Variants in KPNA1 observed in about 807,000 individuals in gnomAD.
KPNA1 encodes the protein karyopherin subunit alpha 1.
KPNA1 carries 10 observed loss-of-function variants against 70.5 expected under a neutral mutation model. The observed-to-expected ratio is 0.14, with a 90% confidence interval of 0.09 to 0.24. KPNA1 has a LOEUF of 0.24. Ranked by LOEUF, KPNA1 falls within the 10% of genes least tolerant of loss-of-function variation. The probability of loss-of-function intolerance (pLI) is 1.00; values close to 1 mark genes in which losing one functional copy is unlikely to be tolerated. For missense variants in KPNA1, 397 were observed against 637.9 expected (o/e 0.62, Z 4.07); for synonymous variants, 192 against 221.9 (o/e 0.87, Z 1.20).
intron 6 of KPNA1, among the ~76,000 whole-genome samples, chr3:122,452,683 G>A (rs1245364266): frequency 1.5e-5 from 2 of 137,486 alleles, no homozygotes; most frequent in Non-Finnish European, 3.2e-5. Context: ...AGGAGGGAAG[G>A]AGGGAGGGAG....
intron 9 of KPNA1, among the ~76,000 whole-genome samples, chr3:122,444,139 T>C (rs760043092): frequency 1.3e-4 from 19 of 151,514 alleles, no homozygotes; most frequent in Non-Finnish European, 2.5e-4. Context: ...CTGAGCGCTA[T>C]TTCTCCTATT....
chr3:122,499,315 G>A (rs78784522), intron 1 of KPNA1, among the ~76,000 whole-genome samples: 1,635 of 152,264 alleles, frequency 0.011, 25 homozygotes, highest in African/African-American at 0.038. Flanking sequence ...GTTACCTTTG[G>A]ATTTTCTGTA....
intron 2 of KPNA1, among the ~76,000 whole-genome samples, chr3:122,492,009 G>A (rs1046515594): frequency 1.4e-4 from 21 of 150,842 alleles, no homozygotes; most frequent in African/African-American, 4.6e-4. Context: ...CTACAGGCGC[G>A]CGCCACCATG....
chr3:122,483,983 G>A (rs541297142), intron 2 of KPNA1, among the ~76,000 whole-genome samples: 1 of 152,242 alleles, frequency 6.6e-6, no homozygotes, highest in African/African-American at 2.4e-5. Context: ...TAGCAGAATT[G>A]TTTCCTAAAG....
chr3:122,450,594 A>G (rs961468078), intron 8 of KPNA1, among the ~76,000 whole-genome samples: 1 of 152,184 alleles, frequency 6.6e-6, no homozygotes, highest in Non-Finnish European at 1.5e-5. Flanking sequence ...AAAAACCAAA[A>G]AACAAAAAAT....
intron 6 of KPNA1, among the ~76,000 whole-genome samples, chr3:122,452,555 AGGGAGGGAG>A: frequency 2.1e-5 from 1 of 47,482 alleles, no homozygotes; most frequent in South Asian, 1.2e-3. Context: ...GGAGGGAGGG[AGGGAGGGAG>A]GGAAGGAGGG....
At chr3:122,440,039 G>T (rs1248080088) in intron 10 of KPNA1, among the ~76,000 whole-genome samples, 2 of 152,156 alleles carry the variant, frequency 1.3e-5, no homozygotes, top group Admixed American at 6.6e-5. Context: ...TGAAACTTGA[G>T]ATAGGTCAGA....
chr3:122,485,144 G>C lies in KPNA1; in HGVS notation c.129+11293C>G, dbSNP rs138063930. On this transcript the variant is annotated intron_variant, in intron 2 of 13. Transcript: ENST00000344337. Reference sequence around the variant, plus strand: ...ACCCAGGCTGGTCTCAAACTCCTGTGCTTAAGCAATCTTCCCGCCTCGGCC... The same window carrying C: ...ACCCAGGCTGGTCTCAAACTCCTGTCCTTAAGCAATCTTCCCGCCTCGGCC... Among the ~76,000 whole-genome samples, 416 of 152,194 alleles carry C rather than the reference G, an allele frequency of 2.7e-3. 1 individual carries two copies. Among genetic ancestry groups the C allele is most frequent in the African/African-American group, 9.8e-3 (405 of 41,538 alleles).
chr3:122,507,497 T>C (rs577687033), intron 1 of KPNA1, among the ~76,000 whole-genome samples: 1 of 148,704 alleles, frequency 6.7e-6, no homozygotes, highest in African/African-American at 2.5e-5. Flanking sequence ...AATATGGAAA[T>C]ATTATTTTAT....
intron 5 of KPNA1, chr3:122,457,810 G>C: frequency 1.6e-6 from 2 of 1,289,818 alleles, no homozygotes; most frequent in Non-Finnish European, 2.0e-6. Flanking sequence ...TGGCCACTTT[G>C]CCGGTTCCAC....
In KPNA1 at chr3:122,461,227, C is replaced by T. The variant is rs1054401394; in HGVS notation, c.429G>A (p.Leu143=). ...AATAAATAAAAATTATTCGCACCTG[C>T]AGTGTACAATTCTCTTTTCGTTTGA... ...EFLKRKENCT[L]QFESAWVLTN... The change falls in exon 5 of 14, where the codon CTG becomes CTA. Residue 143 remains leucine (L), a synonymous_variant. Coordinates refer to ENST00000344337, the MANE Select transcript of KPNA1 (RefSeq NM_002264.4). 16 of 1,598,176 alleles carry T rather than the reference C, an allele frequency of 1.0e-5. No homozygotes were observed. Among genetic ancestry groups the T allele is most frequent in the Admixed American group, 3.4e-5 (2 of 59,430 alleles).
chr3:122,471,520 A>G (rs1300303579), intron 2 of KPNA1, among the ~76,000 whole-genome samples: 1 of 152,248 alleles, frequency 6.6e-6, no homozygotes, highest in Non-Finnish European at 1.5e-5. Flanking sequence ...AGATGGAGAA[A>G]TATATATCAT....
chr3:122,451,989 G>A lies in KPNA1; in HGVS notation c.640C>T (p.Pro214Ser). 1 of 1,593,034 alleles carries A rather than the reference G, an allele frequency of 6.3e-7. No individual in the cohort carries two copies. The highest frequency in any genetic ancestry group is 1.8e-5 in the Admixed American group (1 of 56,676). The change falls in exon 7 of 14, where the codon CCC becomes TCC. Residue 214 changes from proline to serine, a missense_variant. Physicochemically the swap from Pro to Ser is moderately conservative, Grantham distance 74. Transcript: ENST00000344337. Reference protein sequence around the residue: ...RDYVLDCNILPPLLQLFSKQN... With the variant: ...RDYVLDCNILSPLLQLFSKQN... ...GAAGAAACTTACTGCAAAAGAGGGGGAAGGATATTGCAGTCTAAGACATAG... is the reference window on the plus strand; with the variant it reads ...GAAGAAACTTACTGCAAAAGAGGGGAAAGGATATTGCAGTCTAAGACATAG...
At chr3:122,449,061 T>C (rs1164635032) in intron 9 of KPNA1, among the ~76,000 whole-genome samples, 2 of 152,252 alleles carry the variant, frequency 1.3e-5, no homozygotes, top group African/African-American at 2.4e-5. Context: ...ATTTCTCCAT[T>C]ATGTTATCAC....
At chr3:122,500,035 CA>C (rs2076808892) in intron 1 of KPNA1, among the ~76,000 whole-genome samples, 1 of 152,134 alleles carries the variant, frequency 6.6e-6, no homozygotes, top group East Asian at 1.9e-4. Flanking sequence ...CTTATTGAGT[CA>C]GTTTTGGTAG....
intron 2 of KPNA1, among the ~76,000 whole-genome samples, chr3:122,486,892 C>G (rs759295825): frequency 2.0e-5 from 3 of 152,152 alleles, no homozygotes; most frequent in Non-Finnish European, 4.4e-5. Flanking sequence ...GATATTAAAG[C>G]ACACACTATT....
intron 5 of KPNA1, among the ~76,000 whole-genome samples, chr3:122,456,462 G>A (rs898265246): frequency 6.6e-6 from 1 of 152,144 alleles, no homozygotes; most frequent in Non-Finnish European, 1.5e-5. Context: ...AATAACCTGG[G>A]TATACAGGGA....
chr3:122,485,052 T>C (rs1291607417), intron 2 of KPNA1, among the ~76,000 whole-genome samples: 1 of 152,052 alleles, frequency 6.6e-6, no homozygotes, highest in African/African-American at 2.4e-5. Flanking sequence ...TGCATGCTAA[T>C]TAGTTTTGTT....
At chr3:122,485,126 C>G (rs1343466249) in intron 2 of KPNA1, among the ~76,000 whole-genome samples, 1 of 152,056 alleles carries the variant, frequency 6.6e-6, no homozygotes, top group African/African-American at 2.4e-5. Context: ...CTTACCCAGG[C>G]TGGTCTCAAA....
Sources: gnomAD v4.1 joint callset for allele counts (sites outside exome capture counted in the v4.1 genomes callset) on GRCh38, gnomAD v4.1.1 for gene constraint, MANE v1.5 for transcripts, NCBI Gene and HGNC (gene_info 2026-07-23, HGNC 2026-07-21) for gene names.